Variants in ZNF704 observed in about 807,000 individuals in gnomAD.
ZNF704 encodes glucocorticoid induced gene 1.
In ZNF704, 10 loss-of-function variants were observed where a neutral mutation model predicts 44.7. The ratio of observed to expected loss-of-function variants is 0.22; its 90% confidence interval spans 0.14 to 0.38. ZNF704 has a LOEUF of 0.38. Ranked by LOEUF, ZNF704 falls within the 10% of genes least tolerant of loss-of-function variation. ZNF704 has a pLI of 1.00. For synonymous variants in ZNF704, 211 were observed against 207.6 expected, an observed-to-expected ratio of 1.02 and a Z score of -0.14; for missense variants, 390 against 545.5, an observed-to-expected ratio of 0.71 and a Z score of 2.84.
chr8:80,788,015 G>T (rs1359336835), intron 2 of ZNF704, among the ~76,000 whole-genome samples: 1 of 152,082 alleles, frequency 6.6e-6, no homozygotes, highest in African/African-American at 2.4e-5. Flanking sequence ...AAGCATATTT[G>T]CAAATTGCAA....
intron 2 of ZNF704, among the ~76,000 whole-genome samples, chr8:80,766,832 C>T (rs1362236349): frequency 6.6e-6 from 1 of 152,086 alleles, no homozygotes; most frequent in African/African-American, 2.4e-5. Context: ...CCTGCCTCAG[C>T]CTCCGGAGTA....
Position 80,693,086 on chromosome 8 carries a change from G to A in ZNF704, c.243C>T (p.Asp81=), listed in dbSNP as rs775635165. Residue 81 remains aspartate, a synonymous_variant, in exon 3 of 9, where the codon GAC becomes GAT. Coordinates refer to ENST00000327835, the MANE Select transcript of ZNF704 (RefSeq NM_001033723.3). ...PPARKSSEEL[D]MDKVTAAMVL... is the part of the protein sequence containing the mutation. ...CCATTGCTGCTGTCACCTTGTCCAT[G>A]TCTAGTTCCTCTGAAGATTTCCTGT... 13 of 1,614,180 alleles carry A rather than the reference G, an allele frequency of 8.1e-6. No individual in the cohort carries two copies. The highest frequency in any genetic ancestry group is 6.6e-5 in the South Asian group (6 of 91,080).
intron 2 of ZNF704, among the ~76,000 whole-genome samples, chr8:80,768,654 G>A (rs527544543): frequency 4.6e-5 from 7 of 151,372 alleles, no homozygotes; most frequent in African/African-American, 1.7e-4. Flanking sequence ...AAATAAAGGC[G>A]GTTAACATCG....
intron 4 of ZNF704, among the ~76,000 whole-genome samples, chr8:80,679,990 A>G (rs1326437205): frequency 6.6e-6 from 1 of 152,184 alleles, no homozygotes; most frequent in Non-Finnish European, 1.5e-5. Flanking sequence ...CTATTGGCTG[A>G]GACCTTTGGC....
At chr8:80,873,475 C>T (rs932948957) in intron 1 of ZNF704, 1 of 151,884 alleles carries the variant, frequency 6.6e-6, no homozygotes, top group African/African-American at 2.4e-5. Flanking sequence ...GCGCCTTGCC[C>T]CGGGGCCCGG....
chr8:80,734,128 A>G (rs1167444219), intron 2 of ZNF704, among the ~76,000 whole-genome samples: 1 of 152,228 alleles, frequency 6.6e-6, no homozygotes, highest in Non-Finnish European at 1.5e-5. Context: ...CACTATTGAT[A>G]GAAACAAATC....
intron 1 of ZNF704, among the ~76,000 whole-genome samples, chr8:80,843,508 T>C (rs1047485406): frequency 6.6e-6 from 1 of 152,262 alleles, no homozygotes; most frequent in African/African-American, 2.4e-5. Context: ...ATTTACACTC[T>C]AGCTTCAAAA....
In ZNF704 at chr8:80,630,879, ATTTT is replaced by A. The variant is rs201112874; in HGVS notation, c.*10483_*10486del. 1 of 152,032 alleles carries A rather than the reference ATTTT, an allele frequency of 6.6e-6. No individual in the cohort carries two copies. Among genetic ancestry groups the A allele is most frequent in the Non-Finnish European group, 1.5e-5 (1 of 67,982 alleles). 9.4% of individuals were successfully genotyped at this position (152,032 alleles called of 1,614,324 possible). A position where few individuals can be genotyped will look rare whatever the true frequency, so the allele number is the denominator to read the frequency against. ...GTTGTAGGAAAATATTGATTCAGGGATTTTTTTTAAAAAAAACATGTATGATCCA... is the reference window on the plus strand; with the variant it reads ...GTTGTAGGAAAATATTGATTCAGGGATTTTAAAAAAAACATGTATGATCCA... On this transcript the variant is annotated 3_prime_UTR_variant, in exon 9 of 9. Transcript: ENST00000327835.
chr8:80,651,156 C>A (rs1817911832), intron 7 of ZNF704, among the ~76,000 whole-genome samples: 1 of 152,130 alleles, frequency 6.6e-6, no homozygotes, highest in Non-Finnish European at 1.5e-5. Context: ...TAAAAGAGCT[C>A]CTGAAGGAAG....
chr8:80,654,230 A>G (rs572783705), intron 7 of ZNF704, among the ~76,000 whole-genome samples: 26 of 152,344 alleles, frequency 1.7e-4, no homozygotes, highest in African/African-American at 6.3e-4. Context: ...CTAAAACCAT[A>G]AAAACCCTAG....
chr8:80,635,409 T>A lies in ZNF704; in HGVS notation c.*5957A>T, dbSNP rs1261260813. On this transcript the variant is annotated 3_prime_UTR_variant, in exon 9 of 9. Coordinates refer to ENST00000327835, the MANE Select transcript of ZNF704 (RefSeq NM_001033723.3). ...TGTTTTGTTTTTTTATTTTCCTTTT[T>A]TATTTTTTCCCTCCACTATATTTTG... is the stretch of plus-strand genomic sequence containing the variant. 1.3e-5 allele frequency: 2 copies of A among 152,238 alleles called. No homozygotes were observed. Among genetic ancestry groups the A allele is most frequent in the African/African-American group, 4.8e-5 (2 of 41,468 alleles). 9.4% of individuals were successfully genotyped at this position (152,238 alleles called of 1,614,324 possible). A position where few individuals can be genotyped will look rare whatever the true frequency, so the allele number is the denominator to read the frequency against.
intron 2 of ZNF704, among the ~76,000 whole-genome samples, chr8:80,759,466 G>C (rs1807092182): frequency 6.6e-6 from 1 of 151,958 alleles, no homozygotes; most frequent in East Asian, 1.9e-4. Context: ...CAGGACCTAC[G>C]ACTTGTTTGT....
chr8:80,641,611 T>C (rs552752273), intron 8 of ZNF704, 134 bp from the exon 9 acceptor site: 1 of 512,196 alleles, frequency 2.0e-6, no homozygotes, highest in East Asian at 3.4e-5. Context: ...CTCATGCCTG[T>C]AATCCCAGCA....
chr8:80,679,445 A>G (rs781587092), intron 4 of ZNF704, among the ~76,000 whole-genome samples: 46 of 150,022 alleles, frequency 3.1e-4, no homozygotes, highest in Non-Finnish European at 5.7e-4. Context: ...CTGCCCAAGA[A>G]AGCCAAACCA....
intron 1 of ZNF704, among the ~76,000 whole-genome samples, chr8:80,872,679 T>C (rs538389491): frequency 6.6e-6 from 1 of 152,198 alleles, no homozygotes; most frequent in Admixed American, 6.5e-5. Flanking sequence ...TCCAATAGCA[T>C]GCCTGAAAGC....
intron 1 of ZNF704, among the ~76,000 whole-genome samples, chr8:80,836,685 T>G (rs911540979): frequency 1.1e-4 from 17 of 152,106 alleles, no homozygotes; most frequent in African/African-American, 3.6e-4. Context: ...CTCGGGAGGC[T>G]GAGGTAGGAG....
At chr8:80,795,935 G>T (rs1807793860) in intron 2 of ZNF704, among the ~76,000 whole-genome samples, 1 of 152,114 alleles carries the variant, frequency 6.6e-6, no homozygotes. Flanking sequence ...TGGGTAGAAT[G>T]GGGCTTGGTG....
intron 2 of ZNF704, among the ~76,000 whole-genome samples, chr8:80,703,292 C>T (rs559106658): frequency 5.9e-5 from 9 of 152,092 alleles, no homozygotes; most frequent in African/African-American, 2.2e-4. Context: ...CTTCTACTTA[C>T]CCTTAGTACT....
chr8:80,779,461 A>C (rs1366511772), intron 2 of ZNF704, among the ~76,000 whole-genome samples: 2 of 152,096 alleles, frequency 1.3e-5, no homozygotes. Context: ...TCCTAGTCTT[A>C]TCTCTTGGAA....
Sources: allele counts gnomAD v4.1 joint callset (sites outside exome capture counted in the v4.1 genomes callset), GRCh38; gene constraint gnomAD v4.1.1; transcripts MANE v1.5; gene names NCBI Gene and HGNC (gene_info 2026-07-23, HGNC 2026-07-21).